The following ABCA8 variants were observed in gnomAD, a reference collection of about 807,000 sequenced individuals.
ABCA8 encodes ATP binding cassette subfamily A member 8.
In ABCA8, 177 loss-of-function variants were observed where a neutral mutation model predicts 192.3. The observed-to-expected ratio is 0.92, with a 90% CI of 0.81 to 1.04. ABCA8 has a LOEUF of 1.04. ABCA8 is among the 50% of genes least tolerant of loss of function. The pLI, the probability that ABCA8 is intolerant of heterozygous loss-of-function variation, is 0.00. For synonymous variants in ABCA8, 642 were observed against 690.2 expected (o/e 0.93, Z 1.09); for missense variants, 1,915 against 1,904.8 (o/e 1.01, Z -0.10).
At chr17:68,877,835 G>A (rs928109817) in intron 32 of ABCA8, 156 bp from the exon 33 acceptor site, 9 of 718,374 alleles carry the variant, frequency 1.3e-5, no homozygotes, top group Admixed American at 7.2e-5. Flanking sequence ...GAGAAAGGTT[G>A]TCAGAGAGCA....
intron 14 of ABCA8, 75 bp from the exon 15 acceptor site, chr17:68,918,621 A>G (rs1380426132): frequency 2.9e-6 from 4 of 1,385,926 alleles, no homozygotes; most frequent in Non-Finnish European, 3.8e-6. Flanking sequence ...ACAAGGCTGT[A>G]AAGTGTAAAT....
rs1385710830 is a variant in ABCA8, at chr17:68,927,920, C to G, written c.1269G>C (p.Leu423Phe). 2 of 1,595,266 alleles carry G rather than the reference C, an allele frequency of 1.3e-6. No individual in the cohort carries two copies. The highest frequency in any genetic ancestry group is 1.7e-6 in the Non-Finnish European group (2 of 1,173,256). ...TTTAATCATATCATTACTCACTTGG[C>G]AAAATTTTTTCAAAGTAAATCGCCA... is the stretch of plus-strand genomic sequence containing the variant. ...LALAIYFEKI[L>F]PNEYGHRRPP... Residue 423 changes from leucine to phenylalanine, a missense_variant, in exon 10 of 40, where the codon TTG (leucine) becomes TTC (phenylalanine). Transcript: ENST00000586539.
rs6146128 is a variant in ABCA8 at position 68,935,540 on chromosome 17, CTATATATATATATATA to C, written c.466+1395_466+1410del. On this transcript the variant is annotated intron_variant, in intron 5 of 39. Transcript: ENST00000586539. ...TTTAATTTATGGCTGAGTAGTATTC[CTATATATATATATATA>C]TATATATATATATTATCTTCTTTAT... Among the ~76,000 whole-genome samples, 329 of 87,292 alleles carry C rather than the reference CTATATATATATATATA, an allele frequency of 3.8e-3. 5 individuals carry two copies. Among genetic ancestry groups the C allele is most frequent in the African/African-American group, 0.015 (312 of 21,348 alleles). 57.3% of individuals were successfully genotyped at this position (87,292 alleles called of 152,430 possible). A position where few individuals can be genotyped will look rare whatever the true frequency, so the allele number is the denominator to read the frequency against.
intron 37 of ABCA8, among the ~76,000 whole-genome samples, chr17:68,872,658 C>T (rs1197296421): frequency 1.3e-5 from 2 of 151,744 alleles, no homozygotes; most frequent in African/African-American, 2.4e-5. Flanking sequence ...GACAGCTCCA[C>T]ATGTGTCATT....
At chr17:68,933,562 GTCTCT>G (rs1213797278) in intron 5 of ABCA8, among the ~76,000 whole-genome samples, 7 of 152,088 alleles carry the variant, frequency 4.6e-5, no homozygotes, top group Non-Finnish European at 8.8e-5. Flanking sequence ...AATTTTGTTG[GTCTCT>G]TCTCTTTTCT....
At chr17:68,918,207 A>T in intron 15 of ABCA8, 22 bp from the exon 16 acceptor site, 1 of 1,612,620 alleles carries the variant, frequency 6.2e-7, no homozygotes. Flanking sequence ...GAAAGTATAT[A>T]AGGCGGTTTT....
At position 68,902,800 on chromosome 17, in the gene ABCA8, AGG is replaced by A. The variant is rs1227116087; in HGVS notation, c.2675_2676del (p.Thr892MetfsTer18). ...TMVKIYQNSY[T>X]WELSPHLYFL... ...AAATACAAATGAGGAGAAAGTTCCC[AGG>A]TGTAACTGTTTTGATATATTTTCAC... On this transcript the variant is annotated frameshift_variant, in exon 21 of 40. Transcript: ENST00000586539. LOFTEE classifies it high-confidence loss of function. 3.7e-6 allele frequency: 6 copies of A among 1,613,536 alleles called. No individual in the cohort carries two copies. Among genetic ancestry groups the A allele is most frequent in the Non-Finnish European group, 5.1e-6 (6 of 1,179,602 alleles).
intron 12 of ABCA8, 52 bp downstream of exon 12, chr17:68,922,190 C>CTTTTTTTTTTTTTTTTTTTTTTTTTTTT: frequency 1.6e-6 from 1 of 639,488 alleles, no homozygotes. Flanking sequence ...TTCTTTCTCT[C>CTTTTTTTTTTTTTTTTTTTTTTTTTTTT]TCTCTTTTTT....
At position 68,875,704 on chromosome 17, in the gene ABCA8, G is replaced by A. The variant is rs182925368; in HGVS notation, c.4400C>T (p.Thr1467Met). ...WQAIRATFRN[T>M]ERGALLTTHY... The stretch of plus-strand genomic sequence containing the variant: ...GGTGGTTAGGAGGGCACCCCTTTCC[G>A]TGTTTCTAAAGGTGGCCCGGATGGC... The change falls in exon 36 of 40, where the codon ACG becomes ATG. Residue 1467 changes from threonine to methionine, a missense_variant. Thr to Met is a moderately conservative substitution (Grantham distance 81, BLOSUM62 -1). Transcript: ENST00000586539. 88 of 1,614,092 alleles carry A rather than the reference G, an allele frequency of 5.5e-5. 2 individuals carry two copies. The highest frequency in any genetic ancestry group is 4.0e-4 in the South Asian group (36 of 91,058).
intron 37 of ABCA8, among the ~76,000 whole-genome samples, chr17:68,870,843 C>G (rs2066029897): frequency 6.6e-6 from 1 of 152,246 alleles, no homozygotes; most frequent in East Asian, 1.9e-4. Context: ...GATTTCAGTT[C>G]TTTTGGATAC....
At chr17:68,938,030 C>G (rs1302955592) in intron 4 of ABCA8, among the ~76,000 whole-genome samples, 1 of 152,044 alleles carries the variant, frequency 6.6e-6, no homozygotes, top group African/African-American at 2.4e-5. Context: ...AGCACAAGTT[C>G]CTGACATTGG....
At chr17:68,922,190 C>G in intron 12 of ABCA8, 52 bp downstream of exon 12, 1 of 639,484 alleles carries the variant, frequency 1.6e-6, no homozygotes, top group East Asian at 6.9e-5. Flanking sequence ...TTCTTTCTCT[C>G]TCTCTTTTTT....
At chr17:68,881,735 G>A in intron 31 of ABCA8, 128 bp downstream of exon 31, 1 of 694,942 alleles carries the variant, frequency 1.4e-6, no homozygotes, top group Non-Finnish European at 2.6e-6. Flanking sequence ...TACAAAGGAA[G>A]CTGTCATTGT....
intron 32 of ABCA8, chr17:68,878,830 T>C (rs2066268668): frequency 6.6e-6 from 1 of 152,234 alleles, no homozygotes; most frequent in Non-Finnish European, 1.5e-5. Context: ...TACAGAGGGA[T>C]TGTGAATATC....
intron 2 of ABCA8, among the ~76,000 whole-genome samples, chr17:68,947,202 G>T: frequency 6.6e-6 from 1 of 151,888 alleles, no homozygotes; most frequent in East Asian, 1.9e-4. Flanking sequence ...TCTTCTACAT[G>T]GACATTAGAT....
chr17:68,955,000 ACT>A (rs1457133958), intron 1 of ABCA8, among the ~76,000 whole-genome samples: 3 of 152,200 alleles, frequency 2.0e-5, no homozygotes, highest in African/African-American at 4.8e-5. Context: ...AAACATTCTA[ACT>A]CAATGTTTTT....
intron 32 of ABCA8, chr17:68,880,001 C>T (rs565774722): frequency 6.6e-6 from 1 of 152,288 alleles, no homozygotes; most frequent in African/African-American, 2.4e-5. Flanking sequence ...TGAAACCCCA[C>T]CTTCAAGCCA....
At chr17:68,897,110 G>A (rs372972147) in intron 21 of ABCA8, among the ~76,000 whole-genome samples, 1 of 152,294 alleles carries the variant, frequency 6.6e-6, no homozygotes, top group East Asian at 1.9e-4. Context: ...TCAAACTGTG[G>A]AGCAACTTAT....
At chr17:68,921,543 CAATT>C (rs767500749) in intron 12 of ABCA8, 51 bp from the exon 13 acceptor site, 24 of 1,166,238 alleles carry the variant, frequency 2.1e-5, no homozygotes, top group Non-Finnish European at 2.6e-5. Context: ...GGATGGAAAA[CAATT>C]AAAACCACAA....
Sources: gnomAD v4.1 joint callset for allele counts (sites outside exome capture counted in the v4.1 genomes callset) on GRCh38, gnomAD v4.1.1 for gene constraint, MANE v1.5 for transcripts, NCBI Gene and HGNC (gene_info 2026-07-23, HGNC 2026-07-21) for gene names.